The following TMTC2 variants were observed in gnomAD, a reference collection of about 807,000 sequenced individuals.
The protein encoded by TMTC2 is protein O-mannosyl-transferase TMTC2.
Under a neutral mutation model 82.4 loss-of-function variants are expected in TMTC2, and 43 were observed. The observed-to-expected ratio is 0.52, with a 90% confidence interval of 0.41 to 0.67. The LOEUF (loss-of-function observed/expected upper bound fraction) is 0.67, where lower values mean the gene tolerates loss of function less well. Ranked by LOEUF, TMTC2 falls within the 30% of genes least tolerant of loss-of-function variation. The pLI, the probability that TMTC2 is intolerant of heterozygous loss-of-function variation, is 0.00. For missense variants in TMTC2, 919 were observed against 1,012.4 expected (o/e 0.91, Z 1.25); for synonymous variants, 408 against 381.9 (o/e 1.07, Z -0.80).
intron 1 of TMTC2, among the ~76,000 whole-genome samples, chr12:82,779,976 C>A (rs1877815237): frequency 6.6e-6 from 1 of 152,084 alleles, no homozygotes; most frequent in Admixed American, 6.5e-5. Flanking sequence ...CATTCGACTG[C>A]TACTTCAAGA....
At chr12:82,964,408 C>G (rs2137301479) in intron 4 of TMTC2, among the ~76,000 whole-genome samples, 1 of 152,190 alleles carries the variant, frequency 6.6e-6, no homozygotes, top group East Asian at 1.9e-4. Flanking sequence ...GAACAGTGAA[C>G]TGAAATTTGC....
chr12:82,957,598 T>A (rs2137289702), intron 4 of TMTC2, among the ~76,000 whole-genome samples: 1 of 152,090 alleles, frequency 6.6e-6, no homozygotes, highest in Admixed American at 6.5e-5. Context: ...TTGGTTTTTT[T>A]AAAGGATAAA....
rs1194546743 is a variant in TMTC2, at chr12:82,937,791, TATATACAC to T, written c.1598+7248_1598+7255del. Among the ~76,000 whole-genome samples the T allele has an allele frequency of 6.4e-3, 145 of 22,600 alleles. 1 individual carries two copies. Among genetic ancestry groups the T allele is most frequent in the African/African-American group, 0.017 (140 of 8,274 alleles). 14.8% of individuals were successfully genotyped at this position (22,600 alleles called of 152,430 possible). A position where few individuals can be genotyped will look rare whatever the true frequency, so the allele number is the denominator to read the frequency against. On this transcript the variant is annotated intron_variant, in intron 4 of 11. Coordinates refer to ENST00000321196, the MANE Select transcript of TMTC2 (RefSeq NM_152588.3). ...ATATATATATATATATATATATATATATATACACACATATATATATAAAATGATGCCAA... is the reference window on the plus strand; with the variant it reads ...ATATATATATATATATATATATATATACATATATATATAAAATGATGCCAA...
chr12:82,776,210 C>T (rs981969727), intron 1 of TMTC2, among the ~76,000 whole-genome samples: 2 of 152,012 alleles, frequency 1.3e-5, no homozygotes, highest in African/African-American at 4.8e-5. Flanking sequence ...ATGTTTAGGT[C>T]ACTTTTTTCA....
intron 1 of TMTC2, among the ~76,000 whole-genome samples, chr12:82,693,804 C>G (rs961659647): frequency 4.0e-5 from 6 of 151,862 alleles, no homozygotes; most frequent in Non-Finnish European, 7.4e-5. Flanking sequence ...CTCGTCTCTA[C>G]TAAAAATATA....
chr12:82,760,823 A>C (rs1340037933), intron 1 of TMTC2: 1 of 412,576 alleles, frequency 2.4e-6, no homozygotes. Flanking sequence ...CATACTTGTT[A>C]TGAAAATCTA....
chr12:82,777,915 C>T (rs889860806), intron 1 of TMTC2, among the ~76,000 whole-genome samples: 1 of 152,052 alleles, frequency 6.6e-6, no homozygotes, highest in Non-Finnish European at 1.5e-5. Flanking sequence ...CCCTTTCTTC[C>T]AAGGCCCCTG....
intron 1 of TMTC2, among the ~76,000 whole-genome samples, chr12:82,838,691 G>A (rs114027669): frequency 0.011 from 1,680 of 152,140 alleles, 36 homozygotes; most frequent in African/African-American, 0.038. Context: ...CTTTCAGAGT[G>A]GGAAGTAAAA....
chr12:82,694,836 A>C lies in TMTC2; in HGVS notation c.83+7167A>C, dbSNP rs150822255. ...CCATGTGATCATAATTTGTTTAATTAGGAAACGGTATAAAAAATTGCCTTG... is the reference window on the plus strand; with the variant it reads ...CCATGTGATCATAATTTGTTTAATTCGGAAACGGTATAAAAAATTGCCTTG... On this transcript the variant is annotated intron_variant, in intron 1 of 11. Transcript: ENST00000321196. Among the ~76,000 whole-genome samples, 200 of 152,210 alleles carry C rather than the reference A, an allele frequency of 1.3e-3. 1 individual carries two copies. Among genetic ancestry groups the C allele is most frequent in the Non-Finnish European group, 2.3e-3 (158 of 68,014 alleles).
chr12:82,790,285 G>C (rs1056279627), intron 1 of TMTC2, among the ~76,000 whole-genome samples: 2 of 151,814 alleles, frequency 1.3e-5, no homozygotes, highest in African/African-American at 4.8e-5. Flanking sequence ...TTTCATTACT[G>C]TAATTGTGAG....
chr12:82,855,543 G>A (rs554076862), intron 1 of TMTC2, among the ~76,000 whole-genome samples: 5 of 152,262 alleles, frequency 3.3e-5, no homozygotes, highest in African/African-American at 7.2e-5. Flanking sequence ...GAGTTTTATA[G>A]TTCTGGAGTT....
rs537970223 is a variant in TMTC2 at position 83,056,610 on chromosome 12, T to G, written c.2268-5158T>G. ...TTTCACAAATCAGATTGTGTGTGCT[T>G]ACGTGTGTGTATCTTGGGGATGTGT... On this transcript the variant is annotated intron_variant, in intron 10 of 11. Transcript: ENST00000321196. Among the ~76,000 whole-genome samples the G allele has an allele frequency of 9.7e-4, 148 of 152,102 alleles. 1 individual carries two copies. The highest frequency in any genetic ancestry group is 1.8e-3 in the Non-Finnish European group (119 of 67,916).
intron 11 of TMTC2, among the ~76,000 whole-genome samples, chr12:83,091,223 A>G (rs1408658694): frequency 6.6e-6 from 1 of 152,206 alleles, no homozygotes; most frequent in African/African-American, 2.4e-5. Context: ...ATGGTGAAGC[A>G]TAACCAAAGA....
At chr12:82,736,949 A>G (rs1875158283) in intron 1 of TMTC2, among the ~76,000 whole-genome samples, 2 of 152,208 alleles carry the variant, frequency 1.3e-5, no homozygotes, top group Admixed American at 6.5e-5. Flanking sequence ...CCCTATTTGT[A>G]TAAACTAATG....
intron 1 of TMTC2, among the ~76,000 whole-genome samples, chr12:82,841,839 A>G (rs960557529): frequency 6.6e-6 from 1 of 152,224 alleles, no homozygotes; most frequent in Admixed American, 6.5e-5. Flanking sequence ...TCCACCCGTC[A>G]CTGCAAGACA....
rs554902870 is a variant in TMTC2 at position 82,892,567 on chromosome 12, A to C, written c.655-3251A>C. Among the ~76,000 whole-genome samples, 12 of 152,326 alleles carry C rather than the reference A, an allele frequency of 7.9e-5. No individual in the cohort carries two copies. The South Asian group carries it at 2.5e-3, about 32-fold the overall frequency. ...AATAAAATAGAATTACATCATTGTT[A>C]AGGCTAACTACTTCTGGAGTTTAAT... On this transcript the variant is annotated intron_variant, in intron 2 of 11. Coordinates refer to ENST00000321196, the MANE Select transcript of TMTC2 (RefSeq NM_152588.3).
chr12:83,004,722 ATTTTTTT>A (rs528076999), intron 8 of TMTC2, among the ~76,000 whole-genome samples: 6 of 36,018 alleles, frequency 1.7e-4, no homozygotes, highest in Admixed American at 4.5e-4. Context: ...TACTGGCCGA[ATTTTTTT>A]TTTTTTTTTT....
At chr12:83,053,078 T>C (rs1191115588) in intron 10 of TMTC2, among the ~76,000 whole-genome samples, 3 of 152,150 alleles carry the variant, frequency 2.0e-5, no homozygotes, top group African/African-American at 4.8e-5. Context: ...TTCTTATCAG[T>C]TGAGAACATT....
chr12:82,968,795 A>T (rs1199187088), intron 7 of TMTC2, among the ~76,000 whole-genome samples: 1 of 152,138 alleles, frequency 6.6e-6, no homozygotes, highest in Non-Finnish European at 1.5e-5. Flanking sequence ...GCAAAAGATA[A>T]GTGTGTCCCT....
Sources: allele counts gnomAD v4.1 joint callset (sites outside exome capture counted in the v4.1 genomes callset), GRCh38; gene constraint gnomAD v4.1.1; transcripts MANE v1.5; gene names NCBI Gene and HGNC (gene_info 2026-07-23, HGNC 2026-07-21).